Variants in ADCY1 observed in about 807,000 individuals in gnomAD.
ADCY1 encodes adenylate cyclase 1.
Under a neutral mutation model 105.4 loss-of-function variants are expected in ADCY1, and 28 were observed. The observed-to-expected ratio is 0.27, with a 90% CI of 0.20 to 0.36. The LOEUF (loss-of-function observed/expected upper bound fraction) is 0.36. Among genes scored for constraint, ADCY1 ranks in the 10% least tolerant of loss-of-function variants. The pLI, the probability that ADCY1 is intolerant of heterozygous loss-of-function variation, is 1.00. For synonymous variants in ADCY1, 655 were observed against 623.8 expected, an observed-to-expected ratio of 1.05 and a Z score of -0.75; for missense variants, 977 against 1,434.2, an observed-to-expected ratio of 0.68 and a Z score of 5.15.
chr7:45,709,715 G>A (rs1456340216), intron 18 of ADCY1, among the ~76,000 whole-genome samples: 1 of 152,190 alleles, frequency 6.6e-6, no homozygotes, highest in Non-Finnish European at 1.5e-5. Flanking sequence ...GGCTTCGGTC[G>A]AGGCCAGAAA....
rs918768657 is a variant in ADCY1, at chr7:45,575,286, G to T, written c.639+104G>T. 2.1e-6 allele frequency: 3 copies of T among 1,403,616 alleles called. No individual in the cohort carries two copies. The highest frequency in any genetic ancestry group is 1.4e-5 in the African/African-American group (1 of 69,370). The allele number at this position is 1,403,616 out of a possible 1,614,324, so 86.9% of individuals were successfully genotyped here. ...CGCTTTTTCCTATGCGGCGGGTGGG[G>T]ACACTGAGGCTCCGAGTGGGGGTGT... On this transcript the variant is annotated intron_variant, in intron 1 of 19. Coordinates refer to ENST00000297323, the MANE Select transcript of ADCY1 (RefSeq NM_021116.4). This position sits in a 1 kb window ranked among gnomAD's most constrained non-coding sequence, Gnocchi z 4.7.
chr7:45,656,505 C>G (rs1202308104), intron 5 of ADCY1, among the ~76,000 whole-genome samples: 1 of 152,130 alleles, frequency 6.6e-6, no homozygotes, highest in Non-Finnish European at 1.5e-5. Context: ...CCTCCATGTG[C>G]TATGGTTTTT....
intron 5 of ADCY1, among the ~76,000 whole-genome samples, chr7:45,655,717 A>G (rs1216930721): frequency 6.6e-6 from 1 of 152,136 alleles, no homozygotes; most frequent in Non-Finnish European, 1.5e-5. Context: ...TCGAGGTGCC[A>G]CTTGCTAGGA....
At chr7:45,614,605 G>A (rs1584271567) in intron 3 of ADCY1, among the ~76,000 whole-genome samples, 1 of 152,106 alleles carries the variant, frequency 6.6e-6, no homozygotes, top group African/African-American at 2.4e-5. Context: ...TGGCTGAGTG[G>A]ATAAAAACAA....
intron 4 of ADCY1, among the ~76,000 whole-genome samples, chr7:45,646,442 A>C (rs535312418): frequency 1.8e-4 from 27 of 152,302 alleles, no homozygotes; most frequent in African/African-American, 6.0e-4. Flanking sequence ...GGGACAGGAC[A>C]CGGTCCTTTC....
intron 19 of ADCY1, among the ~76,000 whole-genome samples, chr7:45,712,721 G>A (rs1785285396): frequency 6.6e-6 from 1 of 152,122 alleles, no homozygotes; most frequent in Non-Finnish European, 1.5e-5. Context: ...GAGCAGCCAG[G>A]GAGATAGGGA....
At chr7:45,678,714 CA>C (rs35743607) in intron 10 of ADCY1, among the ~76,000 whole-genome samples, 1,094 of 96,448 alleles carry the variant, frequency 0.011, 2 homozygotes, top group African/African-American at 0.036. Flanking sequence ...ACTCTATCTA[CA>C]AAAAAAAAAA....
chr7:45,651,764 T>C (rs932572431), intron 5 of ADCY1, among the ~76,000 whole-genome samples: 8 of 152,196 alleles, frequency 5.3e-5, no homozygotes, highest in African/African-American at 1.9e-4. Context: ...CCTCTTTTAA[T>C]AGAGTCCTCG....
rs1235437480 is a variant in ADCY1 at position 45,711,503 on chromosome 7, C to T, written c.3057+851C>T. Among the ~76,000 whole-genome samples, 5 of 151,374 alleles carry T rather than the reference C, an allele frequency of 3.3e-5. No individual in the cohort carries two copies. In the East Asian group the frequency reaches 9.7e-4, roughly 29 times the overall value. On this transcript the variant is annotated intron_variant, in intron 19 of 19. Coordinates refer to ENST00000297323, the MANE Select transcript of ADCY1 (RefSeq NM_021116.4). ...ATTTCTTTTATCACAGTAAGGTATACATTGAATTTGTCATCTTTTTTCTAG... is the reference window on the plus strand; with the variant it reads ...ATTTCTTTTATCACAGTAAGGTATATATTGAATTTGTCATCTTTTTTCTAG...
chr7:45,590,214 C>T (rs533012916), intron 1 of ADCY1, among the ~76,000 whole-genome samples: 2 of 152,146 alleles, frequency 1.3e-5, no homozygotes, highest in South Asian at 4.1e-4. Flanking sequence ...TGTGCTATGT[C>T]CCCACCCCCC....
rs542615818 is a variant in ADCY1, at chr7:45,612,232, A to G, written c.908+1735A>G. Among the ~76,000 whole-genome samples the G allele has an allele frequency of 1.3e-4, 20 of 152,358 alleles. 1 individual carries two copies. The South Asian group carries it at 3.5e-3, about 27-fold the overall frequency. On this transcript the variant is annotated intron_variant, in intron 3 of 19. Coordinates refer to ENST00000297323, the MANE Select transcript of ADCY1 (RefSeq NM_021116.4). Reference sequence around the variant, plus strand: ...AGAGCCAGCATTTGAGCCCAGCATGACTGCAGAATTTATGCTGAGAACCTC... The same window carrying G: ...AGAGCCAGCATTTGAGCCCAGCATGGCTGCAGAATTTATGCTGAGAACCTC...
At chr7:45,683,976 A>G (rs1489415958) in intron 11 of ADCY1, among the ~76,000 whole-genome samples, 2 of 152,240 alleles carry the variant, frequency 1.3e-5, no homozygotes, top group Non-Finnish European at 2.9e-5. Context: ...GGGGAAGCAG[A>G]TGATGGGAGG....
chr7:45,612,050 T>C (rs1203334185), intron 3 of ADCY1, among the ~76,000 whole-genome samples: 2 of 152,204 alleles, frequency 1.3e-5, no homozygotes, highest in Non-Finnish European at 2.9e-5. Flanking sequence ...TATGGCTAAT[T>C]GCTGTCTGGT....
chr7:45,677,404 A>G (rs1195296586), intron 8 of ADCY1, among the ~76,000 whole-genome samples: 4 of 151,972 alleles, frequency 2.6e-5, no homozygotes, highest in African/African-American at 9.7e-5. Flanking sequence ...TGTGGAGGAG[A>G]GGCTCACTCT....
At chr7:45,584,235 T>A (rs1792651433) in intron 1 of ADCY1, among the ~76,000 whole-genome samples, 1 of 152,180 alleles carries the variant, frequency 6.6e-6, no homozygotes, top group Non-Finnish European at 1.5e-5. Flanking sequence ...TGAGCCACCA[T>A]GCCAGGCCCT....
chr7:45,679,891 A>T (rs944771098), intron 11 of ADCY1, 98 bp downstream of exon 11: 1 of 1,401,318 alleles, frequency 7.1e-7, no homozygotes, highest in Non-Finnish European at 1.0e-6. Context: ...TCCAGGTATG[A>T]GGGTGGCCTG....
intron 4 of ADCY1, among the ~76,000 whole-genome samples, chr7:45,629,323 T>G: frequency 6.6e-6 from 1 of 152,228 alleles, no homozygotes. Context: ...CATCCCATTT[T>G]GTAGCTGTAC....
intron 5 of ADCY1, among the ~76,000 whole-genome samples, chr7:45,654,785 C>T (rs992342236): frequency 6.6e-6 from 1 of 152,148 alleles, no homozygotes; most frequent in Non-Finnish European, 1.5e-5. Flanking sequence ...CGTGGTTTTC[C>T]CTAAAATTTT....
intron 8 of ADCY1, among the ~76,000 whole-genome samples, chr7:45,677,358 G>A (rs997954494): frequency 1.2e-4 from 18 of 152,136 alleles, no homozygotes; most frequent in African/African-American, 4.1e-4. Flanking sequence ...TGGCAAATGG[G>A]TGCTTTCTCG....
Sources: allele counts gnomAD v4.1 joint callset (sites outside exome capture counted in the v4.1 genomes callset), GRCh38; gene constraint gnomAD v4.1.1; non-coding constraint Gnocchi (gnomAD v3.1); transcripts MANE v1.5; gene names NCBI Gene and HGNC (gene_info 2026-07-23, HGNC 2026-07-21).